ASB3: variants seen among roughly 807,000 people sequenced by gnomAD.
ASB3 encodes ankyrin repeat and SOCS box protein 3.
ASB3 carries 41 observed loss-of-function variants against 54.5 expected under a neutral mutation model. The ratio of observed to expected loss-of-function variants is 0.75; its 90% CI spans 0.59 to 0.98. The LOEUF is 0.98. Ranked by LOEUF, ASB3 falls within the 50% of genes least tolerant of loss-of-function variation. The pLI is 0.00. For synonymous variants in ASB3, 266 were observed against 221.2 expected (o/e 1.20, Z -1.80); for missense variants, 733 against 620.0 (o/e 1.18, Z -1.94).
intron 9 of ASB3, among the ~76,000 whole-genome samples, chr2:53,684,363 T>C (rs1193855994): frequency 6.6e-6 from 1 of 152,222 alleles, no homozygotes; most frequent in African/African-American, 2.4e-5. Context: ...CTCTACCTAA[T>C]CATTTCAAAC....
intron 3 of ASB3, among the ~76,000 whole-genome samples, chr2:53,742,025 C>G (rs1459394344): frequency 1.3e-5 from 2 of 152,050 alleles, no homozygotes; most frequent in Non-Finnish European, 2.9e-5. Context: ...CTCTGAGGAA[C>G]AAAACTAAGT....
chr2:53,769,504 A>G (rs879528002), intron 1 of ASB3, among the ~76,000 whole-genome samples: 16 of 152,224 alleles, frequency 1.1e-4, no homozygotes, highest in Non-Finnish European at 1.9e-4. Flanking sequence ...GAATAGACTG[A>G]TGATTAGAAA....
At chr2:53,688,588 A>G (rs1161366139) in intron 9 of ASB3, among the ~76,000 whole-genome samples, 1 of 152,228 alleles carries the variant, frequency 6.6e-6, no homozygotes, top group Non-Finnish European at 1.5e-5. Flanking sequence ...TACTATTACC[A>G]TCTCTTCTTA....
chr2:53,780,585 C>A (rs1230437881), intron 1 of ASB3, among the ~76,000 whole-genome samples: 1 of 152,092 alleles, frequency 6.6e-6, no homozygotes, highest in Non-Finnish European at 1.5e-5. Context: ...TTGAGACCAG[C>A]CTGGGCAATA....
intron 9 of ASB3, among the ~76,000 whole-genome samples, chr2:53,683,703 G>C (rs1668496594): frequency 6.6e-6 from 1 of 152,010 alleles, no homozygotes; most frequent in Non-Finnish European, 1.5e-5. Flanking sequence ...GTTCAATCTT[G>C]GAAGATTGTA....
At position 53,729,553 on chromosome 2, in the gene ASB3, T is replaced by C; in HGVS notation, c.373A>G (p.Ile125Val). 1.9e-6 allele frequency: 3 copies of C among 1,613,830 alleles called. No individual in the cohort carries two copies. Among genetic ancestry groups the C allele is most frequent in the Non-Finnish European group, 1.7e-6 (2 of 1,179,758 alleles). The change falls in exon 4 of 10, where the codon ATA (isoleucine) becomes GTA (valine). Residue 125 changes from isoleucine (I) to valine (V), a missense_variant. Ile to Val is a conservative substitution (Grantham distance 29). Coordinates refer to ENST00000263634, the MANE Select transcript of ASB3 (RefSeq NM_016115.5). Reference sequence around the variant, plus strand: ...TGAAGCAACAGCCTTAACACATCTATCTGTCCATTTTCAACAGCTGTAATA... The same window carrying C: ...TGAAGCAACAGCCTTAACACATCTACCTGTCCATTTTCAACAGCTGTAATA... ...PLFLAVENGQ[I>V]DVLRLLLQHG...
chr2:53,700,194 G>A, intron 8 of ASB3, 77 bp downstream of exon 8: 7 of 1,534,176 alleles, frequency 4.6e-6, no homozygotes, highest in Non-Finnish European at 6.1e-6. Context: ...TCCAAACACT[G>A]GGATCTCAAC....
rs573770108 is a variant in ASB3, at chr2:53,679,997, G to C, written c.1370-9307C>G. 2.6e-5 allele frequency among the ~76,000 whole-genome samples: 4 copies of C among 152,150 alleles called. No individual in the cohort carries two copies. In the East Asian group the frequency reaches 5.8e-4, roughly 22 times the overall value. On this transcript the variant is annotated intron_variant, in intron 9 of 9. Transcript: ENST00000263634. ...TTATAAGTGGGAACATGTAGTACATGGTTTTCTGTTCCTGCATTAGTTTGC... is the reference window on the plus strand; with the variant it reads ...TTATAAGTGGGAACATGTAGTACATCGTTTTCTGTTCCTGCATTAGTTTGC...
At chr2:53,709,220 G>A (rs1669955730) in intron 7 of ASB3, among the ~76,000 whole-genome samples, 2 of 152,200 alleles carry the variant, frequency 1.3e-5, no homozygotes, top group African/African-American at 4.8e-5. Context: ...ACTAGTCCCT[G>A]CATCCTAGCC....
chr2:53,697,737 G>T (rs752373282), intron 8 of ASB3, among the ~76,000 whole-genome samples: 1 of 152,136 alleles, frequency 6.6e-6, no homozygotes, highest in African/African-American at 2.4e-5. Flanking sequence ...AAATTCAAGA[G>T]GATTACCTTG....
intron 1 of ASB3, chr2:53,767,864 T>TG (rs1178486646): frequency 1.3e-6 from 2 of 1,593,638 alleles, no homozygotes; most frequent in Admixed American, 3.6e-5. Context: ...TCACGGCCAC[T>TG]GGGGCAGAGG....
In ASB3 at chr2:53,765,486, C is replaced by T. The variant is rs1296307727; in HGVS notation, c.87G>A (p.Leu29=). ...REGNVKVLRK[L]LKKGRSVDVA... is the part of the protein sequence containing the mutation. ...CATCGACACTTCGGCCCTTTTTGAG[C>T]AGTTTCCTTAAGACTTTAACATTGC... Residue 29 remains leucine, a synonymous_variant, in exon 2 of 10, where the codon CTG becomes CTA. Coordinates refer to ENST00000263634, the MANE Select transcript of ASB3 (RefSeq NM_016115.5). The T allele has an allele frequency of 2.5e-6, 4 of 1,614,208 alleles. No homozygotes were observed. The highest frequency in any genetic ancestry group is 1.7e-5 in the Admixed American group (1 of 60,032).
chr2:53,699,410 T>A (rs1669358628), intron 8 of ASB3, among the ~76,000 whole-genome samples: 1 of 152,200 alleles, frequency 6.6e-6, no homozygotes, highest in Admixed American at 6.5e-5. Flanking sequence ...GAAAGGAGCA[T>A]GAAGGCTGAA....
At chr2:53,776,023 C>A (rs1300854258) in intron 1 of ASB3, among the ~76,000 whole-genome samples, 4 of 152,168 alleles carry the variant, frequency 2.6e-5, no homozygotes, top group African/African-American at 9.7e-5. Context: ...TTATTTCTTT[C>A]TCAAGAGGAC....
intron 9 of ASB3, among the ~76,000 whole-genome samples, chr2:53,689,839 TA>T (rs149732119): frequency 0.016 from 2,502 of 152,304 alleles, 71 homozygotes; most frequent in African/African-American, 0.057. Context: ...AACTGTTACT[TA>T]AACATATGTT....
chr2:53,700,631 G>T, intron 7 of ASB3, 103 bp from the exon 8 acceptor site: 2 of 1,430,100 alleles, frequency 1.4e-6, no homozygotes, highest in South Asian at 1.5e-5. Flanking sequence ...AATAAGTATG[G>T]CAGATTAAAT....
rs942469539 is a variant in ASB3, at chr2:53,670,712, G to C, written c.1370-22C>G. On this transcript the variant is annotated intron_variant, in intron 9 of 9. Coordinates refer to ENST00000263634, the MANE Select transcript of ASB3 (RefSeq NM_016115.5). The stretch of plus-strand genomic sequence containing the variant: ...GTGGCTGGAGAAACAAAAAAAGCAA[G>C]GTGAAACTTTTTTAAACAGAAAGAT... The C allele has an allele frequency of 1.9e-6, 3 of 1,583,988 alleles. No individual in the cohort carries two copies. The Admixed American group carries it at 5.7e-5, about 30-fold the overall frequency.
intron 8 of ASB3, among the ~76,000 whole-genome samples, chr2:53,694,839 T>C (rs1464780407): frequency 2.0e-5 from 3 of 152,130 alleles, no homozygotes; most frequent in Non-Finnish European, 2.9e-5. Context: ...GAAAATAATA[T>C]GAGATAACAT....
At chr2:53,749,943 A>G (rs900427051) in intron 3 of ASB3, among the ~76,000 whole-genome samples, 6 of 152,122 alleles carry the variant, frequency 3.9e-5, no homozygotes, top group Admixed American at 3.9e-4. Context: ...CATAAATTTA[A>G]GTAATATTTT....
Sources: gnomAD v4.1 joint callset for allele counts (sites outside exome capture counted in the v4.1 genomes callset) on GRCh38, gnomAD v4.1.1 for gene constraint, MANE v1.5 for transcripts, NCBI Gene and HGNC (gene_info 2026-07-23, HGNC 2026-07-21) for gene names.